IMMP2L: variants seen among roughly 807,000 people sequenced by gnomAD.
IMMP2L encodes the protein inner mitochondrial membrane peptidase subunit 2.
Under a neutral mutation model 19.3 loss-of-function variants are expected in IMMP2L, and 18 were observed. That is an observed-to-expected ratio of 0.93 (90% CI 0.64 to 1.38). The LOEUF (loss-of-function observed/expected upper bound fraction) is 1.38. IMMP2L is among the 40% of genes most tolerant of loss of function. The pLI, the probability that IMMP2L is intolerant of heterozygous loss-of-function variation, is 0.00. For synonymous variants in IMMP2L, 76 were observed against 73.0 expected, an observed-to-expected ratio of 1.04 and a Z score of -0.21; for missense variants, 233 against 218.2, an observed-to-expected ratio of 1.07 and a Z score of -0.43.
At chr7:110,970,757 C>T (rs2129556536) in intron 3 of IMMP2L, among the ~76,000 whole-genome samples, 1 of 152,252 alleles carries the variant, frequency 6.6e-6, no homozygotes, top group Non-Finnish European at 1.5e-5. Context: ...GTTTCAACCC[C>T]TCATCCAAAC....
At chr7:110,963,088 T>A (rs1366632104) in intron 4 of IMMP2L, 1 of 1,526,908 alleles carries the variant, frequency 6.5e-7, no homozygotes, top group Non-Finnish European at 8.8e-7. Flanking sequence ...TTTTCTCCCA[T>A]CTCTATGAGT....
At chr7:110,873,591 C>T (rs1771629363) in intron 5 of IMMP2L, among the ~76,000 whole-genome samples, 1 of 150,278 alleles carries the variant, frequency 6.7e-6, no homozygotes, top group Non-Finnish European at 1.5e-5. Flanking sequence ...TGGTGAAACC[C>T]CGTCTTTACT....
At chr7:111,060,196 T>C (rs1279807907) in intron 3 of IMMP2L, among the ~76,000 whole-genome samples, 2 of 152,226 alleles carry the variant, frequency 1.3e-5, no homozygotes, top group African/African-American at 4.8e-5. Flanking sequence ...CCCAAGCCTA[T>C]TACTGACAAT....
At chr7:111,179,743 CT>C (rs1334036943) in intron 3 of IMMP2L, among the ~76,000 whole-genome samples, 2 of 152,216 alleles carry the variant, frequency 1.3e-5, no homozygotes, top group East Asian at 3.9e-4. Flanking sequence ...CAAAACAAGG[CT>C]GTTTCATCTA....
At chr7:111,217,090 T>C (rs1160340791) in intron 3 of IMMP2L, among the ~76,000 whole-genome samples, 1 of 140,408 alleles carries the variant, frequency 7.1e-6, no homozygotes, top group South Asian at 2.3e-4. Flanking sequence ...TCTCTCTCTC[T>C]CCCTCCGTCT....
rs1368533430 is a variant in IMMP2L at position 111,123,664 on chromosome 7, A to T, written c.240-160099T>A. ...GGGGATAAATAATATGCCTGAGCTG[A>T]TTTCCATCGATAGTCTTGCTGTGGA... On this transcript the variant is annotated intron_variant, in intron 3 of 5. Transcript: ENST00000405709. This position sits in a 1 kb window ranked among gnomAD's most constrained non-coding sequence, Gnocchi z 6.4. 1 of 1,613,958 alleles carries T rather than the reference A, an allele frequency of 6.2e-7. No individual in the cohort carries two copies. Among genetic ancestry groups the T allele is most frequent in the South Asian group, 1.1e-5 (1 of 91,084 alleles).
At chr7:110,801,745 G>A (rs1801258316) in intron 5 of IMMP2L, among the ~76,000 whole-genome samples, 1 of 152,078 alleles carries the variant, frequency 6.6e-6, no homozygotes, top group Admixed American at 6.6e-5. Context: ...CTGAGGTCCT[G>A]TACACAGGCA....
intron 3 of IMMP2L, among the ~76,000 whole-genome samples, chr7:111,116,330 T>G (rs1799874267): frequency 6.6e-6 from 1 of 152,176 alleles, no homozygotes; most frequent in African/African-American, 2.4e-5. Flanking sequence ...AATCTATAGT[T>G]ATTTCTATAA....
chr7:111,444,651 A>G (rs944010505), intron 3 of IMMP2L, among the ~76,000 whole-genome samples: 2 of 152,154 alleles, frequency 1.3e-5, no homozygotes, highest in African/African-American at 2.4e-5. Context: ...CAAGTATTTA[A>G]CCATCAAATC....
chr7:111,017,794 G>A (rs1222505624), intron 3 of IMMP2L, among the ~76,000 whole-genome samples: 1 of 152,168 alleles, frequency 6.6e-6, no homozygotes, highest in East Asian at 1.9e-4. Context: ...CTAAAAGGCA[G>A]ATGACCGTGG....
rs543922506 is a variant in IMMP2L at position 110,724,568 on chromosome 7, T to C, written c.409-60847A>G. 2.6e-5 allele frequency: 4 copies of C among 152,308 alleles called. No individual in the cohort carries two copies. The East Asian group carries it at 5.8e-4, about 22-fold the overall frequency. The allele number at this position is 152,308 out of a possible 1,614,324, so 9.4% of individuals were successfully genotyped here. On this transcript the variant is annotated intron_variant, in intron 5 of 5. Transcript: ENST00000405709. ...AATGTTGCAGCTTCTCTGAGGAATG[T>C]TGCAGGTGGATTCTCCAAGGTTGCT... is the stretch of plus-strand genomic sequence containing the variant.
intron 3 of IMMP2L, among the ~76,000 whole-genome samples, chr7:111,176,647 T>G (rs911126095): frequency 3.9e-5 from 6 of 151,962 alleles, no homozygotes; most frequent in Non-Finnish European, 7.4e-5. Flanking sequence ...GCTGTGAGTG[T>G]GAGGATGGTT....
intron 5 of IMMP2L, among the ~76,000 whole-genome samples, chr7:110,697,211 T>C (rs1274683354): frequency 6.6e-6 from 1 of 152,172 alleles, no homozygotes. Context: ...CAGTATCTCA[T>C]GATATCCTTA....
At chr7:110,866,347 CA>C (rs777227582) in intron 5 of IMMP2L, among the ~76,000 whole-genome samples, 8 of 151,792 alleles carry the variant, frequency 5.3e-5, no homozygotes, top group Non-Finnish European at 1.0e-4. Flanking sequence ...TTTAAAACAG[CA>C]CAAAGGCGAT....
At chr7:111,281,120 AAGAG>A (rs1264982086) in intron 3 of IMMP2L, among the ~76,000 whole-genome samples, 6 of 68,460 alleles carry the variant, frequency 8.8e-5, no homozygotes, top group African/African-American at 2.8e-4. Context: ...GAAAGAGAGA[AAGAG>A]AGAAAGAGAG....
chr7:110,704,856 C>A (rs560250752), intron 5 of IMMP2L, among the ~76,000 whole-genome samples: 2 of 152,242 alleles, frequency 1.3e-5, no homozygotes, highest in South Asian at 4.1e-4. Context: ...TCTAATACTA[C>A]CCCTCATTTT....
intron 3 of IMMP2L, among the ~76,000 whole-genome samples, chr7:111,375,380 A>C (rs1277443032): frequency 6.6e-6 from 1 of 152,094 alleles, no homozygotes; most frequent in African/African-American, 2.4e-5. Flanking sequence ...CTGGTACTCA[A>C]CTGGCTCGTT....
intron 5 of IMMP2L, among the ~76,000 whole-genome samples, chr7:110,690,508 G>A (rs1793417397): frequency 6.6e-6 from 1 of 152,084 alleles, no homozygotes; most frequent in African/African-American, 2.4e-5. Context: ...AAAAGGGAAA[G>A]TCAGACTATC....
intron 3 of IMMP2L, among the ~76,000 whole-genome samples, chr7:111,405,120 G>T (rs1833802227): frequency 6.6e-6 from 1 of 151,996 alleles, no homozygotes; most frequent in Admixed American, 6.6e-5. Context: ...ACCGACTATG[G>T]TTTAGTGAGT....
Sources: gnomAD v4.1 joint callset for allele counts (sites outside exome capture counted in the v4.1 genomes callset) on GRCh38, gnomAD v4.1.1 for gene constraint, Gnocchi (gnomAD v3.1) non-coding constraint, MANE v1.5 for transcripts, NCBI Gene and HGNC (gene_info 2026-07-23, HGNC 2026-07-21) for gene names.